STK3: variants seen among roughly 807,000 people sequenced by gnomAD.
STK3 encodes serine/threonine-protein kinase 3.
A neutral mutation model predicts 58.0 loss-of-function variants in STK3; 41 were observed. The ratio of observed to expected loss-of-function variants is 0.71; its 90% CI spans 0.55 to 0.92. The LOEUF is 0.92. Ranked by LOEUF, STK3 falls within the 40% of genes least tolerant of loss-of-function variation. The pLI is 0.00. For missense variants in STK3, 479 were observed against 602.7 expected, an observed-to-expected ratio of 0.79 and a Z score of 2.15; for synonymous variants, 170 against 191.0, an observed-to-expected ratio of 0.89 and a Z score of 0.91.
At chr8:98,802,069 G>C (rs1833593264) in intron 1 of STK3, among the ~76,000 whole-genome samples, 1 of 152,136 alleles carries the variant, frequency 6.6e-6, no homozygotes, top group South Asian at 2.1e-4. Context: ...CTATTGAGGA[G>C]GCTGAGGCAG....
intron 1 of STK3, among the ~76,000 whole-genome samples, chr8:98,792,774 G>T (rs1564005979): frequency 6.6e-6 from 1 of 152,144 alleles, no homozygotes; most frequent in Non-Finnish European, 1.5e-5. Context: ...CTACCCAGAG[G>T]AAAAGAAGTC....
intron 9 of STK3, among the ~76,000 whole-genome samples, chr8:98,544,752 A>T (rs1810565296): frequency 6.6e-6 from 1 of 151,872 alleles, no homozygotes; most frequent in South Asian, 2.1e-4. Flanking sequence ...ATATTCCAAG[A>T]GCATGTACTA....
chr8:98,366,361 T>G (rs1376052720), downstream of STK3, among the ~76,000 whole-genome samples: 3 of 152,204 alleles, frequency 2.0e-5, no homozygotes, highest in Non-Finnish European at 4.4e-5. Flanking sequence ...ATTCTTTATA[T>G]TTTTTGAATA....
chr8:98,407,206 A>G (rs1364803053), intron 3 of STK3, among the ~76,000 whole-genome samples: 2 of 152,222 alleles, frequency 1.3e-5, no homozygotes, highest in African/African-American at 4.8e-5. Context: ...CTGTAAAAAA[A>G]GGAAGTTGGA....
intron 1 of STK3, among the ~76,000 whole-genome samples, chr8:98,934,215 T>A (rs1840114392): frequency 6.6e-6 from 1 of 152,210 alleles, no homozygotes; most frequent in Non-Finnish European, 1.5e-5. Context: ...TAGTATGTAC[T>A]GTTTTGTTTC....
At chr8:98,468,418 T>C (rs1309418475) in intron 10 of STK3, among the ~76,000 whole-genome samples, 2 of 152,206 alleles carry the variant, frequency 1.3e-5, no homozygotes, top group East Asian at 3.8e-4. Context: ...ATTCAGATAT[T>C]TGTAAGGACA....
Position 98,428,453 on chromosome 8 carries a change from C to T in STK3, n.483+5674G>A. On this transcript the variant is annotated intron_variant and non_coding_transcript_variant, in intron 3 of 3. Coordinates refer to the STK3 transcript ENST00000517832. The surrounding 1 kb of genome is among the most constrained non-coding windows in gnomAD (Gnocchi z 6.7). ...AGATCCTTGCCTTCTACAACGACGC[C>T]TCCAAGTTCGATGGGCAGCCCCTCG... 6.2e-7 allele frequency: 1 copy of T among 1,614,178 alleles called. No individual in the cohort carries two copies. Among genetic ancestry groups the T allele is most frequent in the Non-Finnish European group, 8.5e-7 (1 of 1,180,046 alleles).
intron 4 of STK3, among the ~76,000 whole-genome samples, chr8:98,740,621 T>C (rs1386173876): frequency 6.6e-6 from 1 of 152,122 alleles, no homozygotes; most frequent in Non-Finnish European, 1.5e-5. Context: ...GAACAACCGG[T>C]ACCAGCCACT....
chr8:98,785,806 A>C lies in STK3; in HGVS notation c.27-10987T>G, dbSNP rs190404309. Among the ~76,000 whole-genome samples, 1,313 of 152,192 alleles carry C rather than the reference A, an allele frequency of 8.6e-3. 10 individuals are homozygous for C. Among genetic ancestry groups the C allele is most frequent in the African/African-American group, 0.03 (1,238 of 41,512 alleles). On this transcript the variant is annotated intron_variant, in intron 1 of 10. Coordinates refer to ENST00000419617, the MANE Select transcript of STK3 (RefSeq NM_006281.4). The stretch of plus-strand genomic sequence containing the variant: ...CTACACAGCATTATTTCCACTCACA[A>C]CCCCTAAGGAGTAGGGGAAAGGGAA...
At chr8:98,475,285 C>T (rs187065844) in intron 10 of STK3, among the ~76,000 whole-genome samples, 3 of 152,206 alleles carry the variant, frequency 2.0e-5, no homozygotes, top group East Asian at 1.9e-4. Context: ...AAGTCCTGTG[C>T]TTAAGTGTGT....
chr8:98,789,753 A>G (rs944980138), intron 1 of STK3, among the ~76,000 whole-genome samples: 3 of 152,170 alleles, frequency 2.0e-5, no homozygotes, highest in African/African-American at 7.2e-5. Flanking sequence ...CAAGATTGAA[A>G]TGATAATTTA....
intron 10 of STK3, among the ~76,000 whole-genome samples, chr8:98,526,158 T>C (rs1291481652): frequency 6.6e-6 from 1 of 151,980 alleles, no homozygotes; most frequent in African/African-American, 2.4e-5. Flanking sequence ...ATTTTATGTA[T>C]TCTTTAAAAG....
chr8:98,880,423 C>A (rs551816083), downstream of STK3: 2 of 152,118 alleles, frequency 1.3e-5, no homozygotes, highest in African/African-American at 2.4e-5. Flanking sequence ...TTCCCACCAA[C>A]GTGATACTTT....
chr8:98,878,723 T>C (rs1006958128), intron 3 of STK3, among the ~76,000 whole-genome samples: 4 of 152,092 alleles, frequency 2.6e-5, no homozygotes, highest in Non-Finnish European at 5.9e-5. Flanking sequence ...TGCACCCTTC[T>C]CTAGAAGTAA....
chr8:98,629,923 G>C (rs1273512363), intron 6 of STK3, among the ~76,000 whole-genome samples: 1 of 152,096 alleles, frequency 6.6e-6, no homozygotes, highest in East Asian at 1.9e-4. Flanking sequence ...TATTAGAATA[G>C]TCCCCTGTTC....
chr8:98,614,027 A>G (rs528149436), intron 6 of STK3, among the ~76,000 whole-genome samples: 64 of 152,226 alleles, frequency 4.2e-4, no homozygotes, highest in Non-Finnish European at 6.5e-4. Context: ...CCAACCAACA[A>G]GCTATAAAAT....
Position 98,767,304 on chromosome 8 carries a change from G to T in STK3, c.175C>A (p.Pro59Thr). The T allele has an allele frequency of 6.2e-7, 1 of 1,611,932 alleles. No homozygotes were observed. The highest frequency in any genetic ancestry group is 8.5e-7 in the Non-Finnish European group (1 of 1,179,432). Reference sequence around the variant, plus strand: ...ATTTCCTGAAGATCTGATTCAACAGGTACTTGTTTAATTGCGACAACTTGA... The same window carrying T: ...ATTTCCTGAAGATCTGATTCAACAGTTACTTGTTTAATTGCGACAACTTGA... ...SGQVVAIKQVPVESDLQEIIK... is the reference protein window; with the variant it reads ...SGQVVAIKQVTVESDLQEIIK... The change falls in exon 3 of 11, where the codon CCT becomes ACT. Residue 59 changes from proline (P) to threonine (T), a missense_variant. Coordinates refer to ENST00000419617, the MANE Select transcript of STK3 (RefSeq NM_006281.4).
chr8:98,366,900 A>T (rs1221820328), downstream of STK3, among the ~76,000 whole-genome samples: 2 of 152,244 alleles, frequency 1.3e-5, no homozygotes, highest in Non-Finnish European at 2.9e-5. Context: ...CATGCCAACT[A>T]CACATGCATT....
At chr8:98,652,374 A>G (rs985417060) in intron 6 of STK3, among the ~76,000 whole-genome samples, 23 of 152,348 alleles carry the variant, frequency 1.5e-4, no homozygotes, top group Non-Finnish European at 2.9e-4. Flanking sequence ...CCACTACAAA[A>G]TCATGCCGAA....
Sources: gnomAD v4.1 joint callset for allele counts (sites outside exome capture counted in the v4.1 genomes callset) on GRCh38, gnomAD v4.1.1 for gene constraint, Gnocchi (gnomAD v3.1) non-coding constraint, MANE v1.5 for transcripts, NCBI Gene and HGNC (gene_info 2026-07-23, HGNC 2026-07-21) for gene names.